The following OR9K2 variants were observed in gnomAD, a reference collection of about 807,000 sequenced individuals.
The protein encoded by OR9K2 is olfactory receptor family 9 subfamily K member 2.
Under a neutral mutation model 12.4 loss-of-function variants are expected in OR9K2, and 16 were observed. The ratio of observed to expected loss-of-function variants is 1.29; its 90% CI spans 0.87 to 1.95. The LOEUF is 1.95. Among genes scored for constraint, OR9K2 ranks in the 30% most tolerant of loss-of-function variants. The pLI, the probability that OR9K2 is intolerant of heterozygous loss-of-function variation, is 0.00. For synonymous variants in OR9K2, 133 were observed against 133.2 expected (o/e 1.00, Z 0.01); for missense variants, 434 against 376.5 (o/e 1.15, Z -1.26).
intron 2 of OR9K2, among the ~76,000 whole-genome samples, chr12:55,127,551 A>T (rs1953437462): frequency 2.0e-5 from 3 of 151,966 alleles, no homozygotes; most frequent in Non-Finnish European, 4.4e-5. Flanking sequence ...TTTTATTTTC[A>T]ACATTTAATA....
rs1565621762 is a variant in OR9K2, at chr12:55,130,706, A to T, written c.872A>T (p.Tyr291Phe). The change falls in exon 3 of 3, where the codon TAC becomes TTC. Residue 291 changes from tyrosine to phenylalanine, a missense_variant. Tyr to Phe is a conservative substitution (Grantham distance 22). Coordinates refer to ENST00000641329, the MANE Select transcript of OR9K2 (RefSeq NM_001005243.2). Reference sequence around the variant, plus strand: ...ACTCCCATGTTGAATCCTTTGATTTACTCTCTGAGGAACAAAGATGTCCAA... The same window carrying T: ...ACTCCCATGTTGAATCCTTTGATTTTCTCTCTGAGGAACAAAGATGTCCAA... The part of the protein sequence containing the change: ...LVTPMLNPLI[Y>F]SLRNKDVQEA... 5.0e-6 allele frequency: 8 copies of T among 1,610,146 alleles called. No homozygotes were observed. The highest frequency in any genetic ancestry group is 6.8e-6 in the Non-Finnish European group (8 of 1,176,570).
intron 2 of OR9K2, among the ~76,000 whole-genome samples, chr12:55,128,095 A>G (rs1953440913): frequency 6.6e-6 from 1 of 151,944 alleles, no homozygotes; most frequent in Non-Finnish European, 1.5e-5. Flanking sequence ...TTATCATTCA[A>G]CTTTTATCTA....
Position 55,129,843 on chromosome 12 carries a change from CAG to C in OR9K2, c.10_11del (p.Arg4GlyfsTer10). 6.2e-7 allele frequency: 1 copy of C among 1,613,392 alleles called. No individual in the cohort carries two copies. Reference sequence around the variant, plus strand: ...CTCAACAGGTTTCTACCATGGGTGACAGGGGAACAAGCAATCACTCAGAAATG... The same window carrying C: ...CTCAACAGGTTTCTACCATGGGTGACGGGAACAAGCAATCACTCAGAAATG... MGD[R>X]GTSNHSEMTD... On this transcript the variant is annotated frameshift_variant, in exon 3 of 3. Transcript: ENST00000641329. LOFTEE classifies it high-confidence loss of function.
In OR9K2 at chr12:55,131,710, A is replaced by T. The variant is rs888681831; in HGVS notation, c.*934A>T. On this transcript the variant is annotated 3_prime_UTR_variant, in exon 3 of 3. Transcript: ENST00000641329. ...CTGAAATCCTTGGGCATAAAACCAA[A>T]ATCCAGACATTTTGCCAAAGGTACT... 3.9e-5 allele frequency: 6 copies of T among 152,184 alleles called. No homozygotes were observed. The highest frequency in any genetic ancestry group is 1.4e-4 in the African/African-American group (6 of 41,444). The allele number at this position is 152,184 out of a possible 1,614,324, so 9.4% of individuals were successfully genotyped here.
intron 2 of OR9K2, chr12:55,129,581 C>T (rs1408879213): frequency 8.9e-6 from 5 of 563,702 alleles, no homozygotes; most frequent in Non-Finnish European, 1.6e-5. Context: ...GGTAGAAAGG[C>T]ATTGTATTAG....
At chr12:55,128,883 A>G (rs1953447405) in intron 2 of OR9K2, among the ~76,000 whole-genome samples, 1 of 152,168 alleles carries the variant, frequency 6.6e-6, no homozygotes, top group Non-Finnish European at 1.5e-5. Flanking sequence ...GAAGAGTTCT[A>G]CTGTAGATCT....
chr12:55,128,893 T>C (rs907303136), intron 2 of OR9K2, among the ~76,000 whole-genome samples: 5 of 152,164 alleles, frequency 3.3e-5, no homozygotes, highest in African/African-American at 9.6e-5. Flanking sequence ...ACTGTAGATC[T>C]CTTTTTAAAG....
At chr12:55,129,630 A>C (rs11171309) in intron 2 of OR9K2, 196 bp from the exon 3 acceptor site, 197,343 of 648,126 alleles carry the variant, frequency 0.3, 31,693 homozygotes, top group African/African-American at 0.4. Context: ...ACTTAAAGAA[A>C]TAAGAAATGC....
chr12:55,130,753 G>T lies in OR9K2; in HGVS notation c.919G>T (p.Glu307Ter). ...DVQEALKKFL[E>*]KKNIIL is the part of the protein sequence containing the mutation. ...CCAAGAGGCTCTAAAAAAATTTCTA[G>T]AGAAGAAAAATATTATTCTTTGATT... Residue 307 changes from glutamate (E) to a stop codon, truncating the protein, a stop_gained, in exon 3 of 3, where the codon GAG becomes TAG. Coordinates refer to ENST00000641329, the MANE Select transcript of OR9K2 (RefSeq NM_001005243.2). LOFTEE classifies it high-confidence loss of function. The T allele has an allele frequency of 6.4e-7, 1 of 1,562,570 alleles. No homozygotes were observed.
Position 55,127,452 on chromosome 12 carries a change from A to T in OR9K2, c.-10+541A>T, listed in dbSNP as rs566004509. ...TTCTTTCACTTCTTAAATGTCTCAC[A>T]TCTTTCCAGACCCTAAGTGCAATCT... On this transcript the variant is annotated intron_variant, in intron 2 of 2. Transcript: ENST00000641329. Among the ~76,000 whole-genome samples the T allele has an allele frequency of 3.6e-4, 55 of 152,126 alleles. 1 individual carries two copies. Among genetic ancestry groups the T allele is most frequent in the Admixed American group, 2.7e-3 (41 of 15,270 alleles).
At chr12:55,127,607 A>G (rs1953437962) in intron 2 of OR9K2, among the ~76,000 whole-genome samples, 1 of 151,992 alleles carries the variant, frequency 6.6e-6, no homozygotes, top group South Asian at 2.1e-4. Context: ...TCTCTTAATA[A>G]TCTTTTTTCT....
At chr12:55,128,653 G>A (rs766046157) in intron 2 of OR9K2, among the ~76,000 whole-genome samples, 1 of 152,102 alleles carries the variant, frequency 6.6e-6, no homozygotes, top group Non-Finnish European at 1.5e-5. Flanking sequence ...ATACATATTT[G>A]TTATTATTGT....
chr12:55,131,069 A>T lies in OR9K2; in HGVS notation c.*293A>T, dbSNP rs1352581778. ...ATTGATTCTTGTGGCATAATGTAGA[A>T]CAATATTTTGTATTTTGTTATAGTG... On this transcript the variant is annotated 3_prime_UTR_variant, in exon 3 of 3. Coordinates refer to ENST00000641329, the MANE Select transcript of OR9K2 (RefSeq NM_001005243.2). 1.3e-5 allele frequency: 3 copies of T among 224,526 alleles called. No homozygotes were observed. The East Asian group carries it at 3.2e-4, about 24-fold the overall frequency. 13.9% of individuals were successfully genotyped at this position (224,526 alleles called of 1,614,324 possible). A position where few individuals can be genotyped will look rare whatever the true frequency, so the allele number is the denominator to read the frequency against.
At chr12:55,126,540 T>G (rs1953429528) in intron 1 of OR9K2, 24 bp downstream of exon 1, 1 of 152,148 alleles carries the variant, frequency 6.6e-6, no homozygotes, top group African/African-American at 2.4e-5. Flanking sequence ...ATCTATAGAT[T>G]TTTGTTCCTG....
At position 55,129,965 on chromosome 12, in the gene OR9K2, G is replaced by A; in HGVS notation, c.131G>A (p.Gly44Glu). The A allele has an allele frequency of 6.2e-7, 1 of 1,613,912 alleles. No individual in the cohort carries two copies. Among genetic ancestry groups the A allele is most frequent in the Non-Finnish European group, 8.5e-7 (1 of 1,179,928 alleles). ...FLFVYAMILL[G>E]NVGMMTIIMT... ...TTTGTTTATGCCATGATCCTTCTAG[G>A]GAATGTTGGGATGATGACCATTATT... The change falls in exon 3 of 3, where the codon GGG (glycine) becomes GAG (glutamate). Residue 44 changes from glycine (G) to glutamate (E), a missense_variant. Gly to Glu is a moderately conservative substitution (Grantham distance 98). Transcript: ENST00000641329.
intron 2 of OR9K2, among the ~76,000 whole-genome samples, chr12:55,127,946 A>T (rs1953439987): frequency 6.6e-6 from 1 of 152,048 alleles, no homozygotes; most frequent in South Asian, 2.1e-4. Context: ...GAGAGAGCAT[A>T]AGTAACTTGT....
rs959825025 is a variant in OR9K2, at chr12:55,130,159, C to T, written c.325C>T (p.Leu109Phe). Residue 109 changes from leucine to phenylalanine, a missense_variant, in exon 3 of 3, where the codon CTC (leucine) becomes TTC (phenylalanine). Physicochemically the swap from Leu to Phe is conservative, Grantham distance 22 (BLOSUM62 0). Transcript: ENST00000641329. ...TGTGGCCCAGCTCTTTCTCTTTGCC[C>T]TCCTCATTGTGACTGAGGGATTTCT... Reference protein sequence around the residue: ...GCVAQLFLFALLIVTEGFLLA... With the variant: ...GCVAQLFLFAFLIVTEGFLLA... 9.9e-6 allele frequency: 16 copies of T among 1,614,016 alleles called. 1 individual carries two copies. The highest frequency in any genetic ancestry group is 3.3e-5 in the South Asian group (3 of 91,080).
In OR9K2 at chr12:55,130,741, A is replaced by C. The variant is rs1205807831; in HGVS notation, c.907A>C (p.Lys303Gln). Residue 303 changes from lysine (K) to glutamine (Q), a missense_variant, in exon 3 of 3, where the codon AAA becomes CAA. Coordinates refer to ENST00000641329, the MANE Select transcript of OR9K2 (RefSeq NM_001005243.2). ...LRNKDVQEAL[K>Q]KFLEKKNIIL is the part of the protein sequence containing the mutation. ...GAACAAAGATGTCCAAGAGGCTCTAAAAAAATTTCTAGAGAAGAAAAATAT... is the reference window on the plus strand; with the variant it reads ...GAACAAAGATGTCCAAGAGGCTCTACAAAAATTTCTAGAGAAGAAAAATAT... 3 of 1,575,116 alleles carry C rather than the reference A, an allele frequency of 1.9e-6. No individual in the cohort carries two copies. Among genetic ancestry groups the C allele is most frequent in the Non-Finnish European group, 1.7e-6 (2 of 1,159,942 alleles).
Position 55,132,701 on chromosome 12 carries a change from T to G in OR9K2, c.*1925T>G, listed in dbSNP as rs1343162496. ...ATAAATTGGAAAAGAAGAGAAAACG[T>G]TCCTTGTTTGCAGATAACATATCTA... On this transcript the variant is annotated 3_prime_UTR_variant, in exon 3 of 3. Coordinates refer to ENST00000641329, the MANE Select transcript of OR9K2 (RefSeq NM_001005243.2). The G allele has an allele frequency of 6.6e-6, 1 of 152,202 alleles. No homozygotes were observed. Among genetic ancestry groups the G allele is most frequent in the African/African-American group, 2.4e-5 (1 of 41,464 alleles). 9.4% of individuals were successfully genotyped at this position (152,202 alleles called of 1,614,324 possible). A position where few individuals can be genotyped will look rare whatever the true frequency, so the allele number is the denominator to read the frequency against.
Sources: gnomAD v4.1 joint callset for allele counts (sites outside exome capture counted in the v4.1 genomes callset) on GRCh38, gnomAD v4.1.1 for gene constraint, MANE v1.5 for transcripts, NCBI Gene and HGNC (gene_info 2026-07-23, HGNC 2026-07-21) for gene names.